The following KHDRBS3 variants were observed in gnomAD, a reference collection of about 807,000 sequenced individuals.
KHDRBS3 encodes the protein KH domain-containing, RNA-binding, signal transduction-associated protein 3.
In KHDRBS3, 23 loss-of-function variants were observed where a neutral mutation model predicts 45.6. The ratio of observed to expected loss-of-function variants is 0.50; its 90% CI spans 0.36 to 0.72. The LOEUF (loss-of-function observed/expected upper bound fraction) is 0.72, where lower values mean the gene tolerates loss of function less well. KHDRBS3 is among the 30% of genes least tolerant of loss of function. The pLI is 0.00. For synonymous variants in KHDRBS3, 162 were observed against 156.5 expected (o/e 1.04, Z -0.26); for missense variants, 352 against 424.8 (o/e 0.83, Z 1.51).
At chr8:135,602,730 C>G (rs1333786597) in intron 6 of KHDRBS3, among the ~76,000 whole-genome samples, 1 of 152,148 alleles carries the variant, frequency 6.6e-6, no homozygotes. Context: ...ATACAGTGAC[C>G]TGGTTGCAAG....
At chr8:135,512,775 A>G (rs1368739413) in intron 1 of KHDRBS3, among the ~76,000 whole-genome samples, 2 of 152,208 alleles carry the variant, frequency 1.3e-5, no homozygotes, top group Admixed American at 1.3e-4. Flanking sequence ...TGAGCTTACC[A>G]TCTTGTTGTT....
At chr8:135,641,058 A>C (rs1437900081) in intron 7 of KHDRBS3, among the ~76,000 whole-genome samples, 3 of 152,174 alleles carry the variant, frequency 2.0e-5, no homozygotes, top group Admixed American at 6.5e-5. Flanking sequence ...ATGATAGCAA[A>C]TGTCAGTTTT....
chr8:135,499,504 A>G (rs1341027967), intron 1 of KHDRBS3, among the ~76,000 whole-genome samples: 1 of 152,214 alleles, frequency 6.6e-6, no homozygotes, highest in African/African-American at 2.4e-5. Flanking sequence ...TTATCTACAC[A>G]AAATGCAAAT....
At chr8:135,547,824 A>C (rs1174058740) in intron 3 of KHDRBS3, among the ~76,000 whole-genome samples, 1 of 152,194 alleles carries the variant, frequency 6.6e-6, no homozygotes, top group Non-Finnish European at 1.5e-5. Flanking sequence ...TGATACTAAC[A>C]TTGGAAACAG....
At chr8:135,469,143 C>T (rs1337686002) in intron 1 of KHDRBS3, among the ~76,000 whole-genome samples, 1 of 152,194 alleles carries the variant, frequency 6.6e-6, no homozygotes, top group African/African-American at 2.4e-5. Context: ...AAATTATACC[C>T]CTTTTATTGT....
intron 7 of KHDRBS3, among the ~76,000 whole-genome samples, chr8:135,630,482 A>AATGTATGTATAT (rs1554642697): frequency 6.6e-6 from 1 of 150,886 alleles, no homozygotes; most frequent in Non-Finnish European, 1.5e-5. Flanking sequence ...TATAAAGTTT[A>AATGTATGTATAT]ATGTATGTAT....
intron 1 of KHDRBS3, among the ~76,000 whole-genome samples, chr8:135,497,549 A>C (rs1314688844): frequency 1.3e-5 from 2 of 152,200 alleles, no homozygotes; most frequent in African/African-American, 4.8e-5. Flanking sequence ...GACATACCAG[A>C]AAACTCTTCT....
intron 1 of KHDRBS3, among the ~76,000 whole-genome samples, chr8:135,505,234 T>C (rs1050470405): frequency 1.3e-5 from 2 of 152,332 alleles, no homozygotes; most frequent in Non-Finnish European, 2.9e-5. Flanking sequence ...AGATGGGTCA[T>C]ACATGCCTGC....
chr8:135,473,320 G>A (rs1019501137), intron 1 of KHDRBS3, among the ~76,000 whole-genome samples: 3 of 152,120 alleles, frequency 2.0e-5, no homozygotes, highest in Non-Finnish European at 4.4e-5. Context: ...GACGCGCTTT[G>A]TGGCTTCCCA....
chr8:135,646,309 G>T (rs1831286138), intron 8 of KHDRBS3, among the ~76,000 whole-genome samples: 1 of 152,096 alleles, frequency 6.6e-6, no homozygotes, highest in Non-Finnish European at 1.5e-5. Flanking sequence ...AATTTCAGGA[G>T]ATAAAGATGA....
chr8:135,581,932 G>A lies in KHDRBS3; in HGVS notation c.666G>A (p.Thr222=), dbSNP rs140999731. 193 of 1,611,674 alleles carry A rather than the reference G, an allele frequency of 1.2e-4. No homozygotes were observed. Among genetic ancestry groups the A allele is most frequent in the Non-Finnish European group, 1.4e-4 (170 of 1,178,558 alleles). Residue 222 remains threonine (T), a synonymous_variant, in exon 6 of 9, where the codon ACG becomes ACA. Coordinates refer to ENST00000355849, the MANE Select transcript of KHDRBS3 (RefSeq NM_006558.3). ...RPVGVVVPRG[T]PTPRGVLSTR... is the part of the protein sequence containing the mutation. The stretch of plus-strand genomic sequence containing the variant: ...TTGGAGTTGTAGTACCACGAGGGAC[G>A]CCAACTCCCAGAGGAGTCCTGTCCA...
chr8:135,614,940 G>A (rs557595787), intron 7 of KHDRBS3, among the ~76,000 whole-genome samples: 1 of 151,832 alleles, frequency 6.6e-6, no homozygotes, highest in South Asian at 2.1e-4. Flanking sequence ...CCAAGAAGTC[G>A]GGCTAGGGTC....
chr8:135,536,811 T>A (rs1022763495), intron 2 of KHDRBS3, among the ~76,000 whole-genome samples: 1 of 149,304 alleles, frequency 6.7e-6, no homozygotes, highest in African/African-American at 2.5e-5. Flanking sequence ...ATACAAAAAA[T>A]TAGCCGGGCG....
At chr8:135,613,866 CTT>C (rs944451946) in intron 7 of KHDRBS3, among the ~76,000 whole-genome samples, 1 of 151,584 alleles carries the variant, frequency 6.6e-6, no homozygotes, top group Non-Finnish European at 1.5e-5. Flanking sequence ...TCCATAATGA[CTT>C]TTAAACTCCT....
chr8:135,560,473 G>A (rs984133106), intron 5 of KHDRBS3, among the ~76,000 whole-genome samples: 3 of 152,100 alleles, frequency 2.0e-5, no homozygotes, highest in African/African-American at 7.2e-5. Flanking sequence ...AGAGTGTGGA[G>A]AATCGAGCAC....
chr8:135,606,181 G>A (rs1829453809), intron 6 of KHDRBS3, among the ~76,000 whole-genome samples: 1 of 151,868 alleles, frequency 6.6e-6, no homozygotes, highest in African/African-American at 2.4e-5. Flanking sequence ...TAACCTCAAG[G>A]TCAACCAGAA....
chr8:135,494,567 C>T (rs1381511282), intron 1 of KHDRBS3, among the ~76,000 whole-genome samples: 9 of 152,154 alleles, frequency 5.9e-5, no homozygotes, highest in African/African-American at 9.7e-5. Flanking sequence ...CTTGAGCCAC[C>T]GCGCCCAGCC....
intron 2 of KHDRBS3, among the ~76,000 whole-genome samples, chr8:135,528,942 T>C (rs1466318697): frequency 6.6e-6 from 1 of 152,130 alleles, no homozygotes; most frequent in Non-Finnish European, 1.5e-5. Context: ...CAACATGAAT[T>C]GGAGGGGAAA....
At chr8:135,482,077 A>G (rs1822606490) in intron 1 of KHDRBS3, among the ~76,000 whole-genome samples, 1 of 152,214 alleles carries the variant, frequency 6.6e-6, no homozygotes, top group African/African-American at 2.4e-5. Flanking sequence ...TAATGATCTA[A>G]ACAGTAATAG....
Sources: gnomAD v4.1 joint callset for allele counts (sites outside exome capture counted in the v4.1 genomes callset) on GRCh38, gnomAD v4.1.1 for gene constraint, MANE v1.5 for transcripts, NCBI Gene and HGNC (gene_info 2026-07-23, HGNC 2026-07-21) for gene names.